RIPPLY1: variants seen among roughly 807,000 people sequenced by gnomAD.
RIPPLY1 encodes the protein protein ripply1.
In RIPPLY1, 10 loss-of-function variants were observed where a neutral mutation model predicts 8.7. The observed-to-expected ratio is 1.15, with a 90% CI of 0.71 to 1.94. The LOEUF (loss-of-function observed/expected upper bound fraction) is 1.94. Ranked by LOEUF, RIPPLY1 falls within the 30% of genes most tolerant of loss-of-function variation. RIPPLY1 has a pLI of 0.00. For synonymous variants in RIPPLY1, 54 were observed against 44.8 expected (o/e 1.20, Z -0.82); for missense variants, 118 against 108.7 (o/e 1.09, Z -0.38).
chrX:106,900,898 G>A lies in RIPPLY1; in HGVS notation c.307C>T (p.Pro103Ser). The change falls in exon 4 of 4, where the codon CCT becomes TCT. Residue 103 changes from proline to serine, a missense_variant. Coordinates refer to ENST00000276173, the MANE Select transcript of RIPPLY1 (RefSeq NM_138382.3). ...AGATAGTCGAAGGAGCGGGATTTAGGCCAGAAGAGCCTGTGGACAGAGAAG... is the reference window on the plus strand; with the variant it reads ...AGATAGTCGAAGGAGCGGGATTTAGACCAGAAGAGCCTGTGGACAGAGAAG... ...KFHHPVRLFW[P>S]KSRSFDYLYS... The A allele has an allele frequency of 8.3e-7, 1 of 1,209,874 alleles. No homozygotes were observed. Among genetic ancestry groups the A allele is most frequent in the Non-Finnish European group, 1.1e-6 (1 of 894,534 alleles).
At chrX:106,900,942 G>A in intron 3 of RIPPLY1, 34 bp from the exon 4 acceptor site, 2 of 1,193,728 alleles carry the variant, frequency 1.7e-6, no homozygotes, top group Admixed American at 4.5e-5. Flanking sequence ...CCCCTAACAG[G>A]TGTCATATGT....
intron 1 of RIPPLY1, 71 bp from the exon 2 acceptor site, chrX:106,902,286 A>T (rs1384982696): frequency 1.7e-5 from 16 of 925,435 alleles, no homozygotes; most frequent in Admixed American, 1.6e-4. Context: ...ATAACAAGAG[A>T]CCTCCCAAAA....
At position 106,903,318 on chromosome X, in the gene RIPPLY1, T is replaced by C. The variant is rs1602452832; in HGVS notation, c.-31A>G. 6.8e-6 allele frequency: 8 copies of C among 1,171,885 alleles called. No homozygotes were observed. Among genetic ancestry groups the C allele is most frequent in the Non-Finnish European group, 9.2e-6 (8 of 873,799 alleles). ...GGGGACCAAAGCCAGTGGGGTCTCC[T>C]ACTTCCCAGAACCTTCTGCACTCTT... On this transcript the variant is annotated 5_prime_UTR_variant, in exon 1 of 4. Transcript: ENST00000276173.
rs764505236 is a variant in RIPPLY1 at position 106,901,286 on chromosome X, T to G, written c.296+188A>C. ...CATGGGGGATCATTCTTGGGCATCG[T>G]TAACAATGCCTCTAGAAAAGACAGC... On this transcript the variant is annotated intron_variant, in intron 3 of 3. Coordinates refer to ENST00000276173, the MANE Select transcript of RIPPLY1 (RefSeq NM_138382.3). Among the ~76,000 whole-genome samples the G allele has an allele frequency of 2.7e-5, 3 of 112,087 alleles. No homozygotes were observed. In the South Asian group the frequency reaches 1.1e-3, roughly 43 times the overall value.
chrX:106,901,477 A>G lies in RIPPLY1; in HGVS notation c.293T>C (p.Val98Ala), dbSNP rs1446733817. The G allele has an allele frequency of 8.3e-7, 1 of 1,210,950 alleles. No homozygotes were observed. Among genetic ancestry groups the G allele is most frequent in the Admixed American group, 2.2e-5 (1 of 46,093 alleles). Residue 98 changes from valine (V) to alanine (A), a missense_variant, in exon 3 of 4, where the codon GTC (valine) becomes GCC (alanine). Physicochemically the swap from Val to Ala is moderately conservative, Grantham distance 64. Coordinates refer to ENST00000276173, the MANE Select transcript of RIPPLY1 (RefSeq NM_138382.3). ...GAGCTTCATGCCAGAAGCTTACCTG[A>G]CAGGGTGATGGAACTTGGATTCAGC... The part of the protein sequence containing the change: ...TKAESKFHHP[V>A]RLFWPKSRSF...
Position 106,902,180 on chromosome X carries a change from G to T in RIPPLY1, c.191C>A (p.Thr64Lys), listed in dbSNP as rs1284517789. The part of the protein sequence containing the change: ...TCLWRPWLSS[T>K]NDSPRQMRKL... ...CCTCATCTGCCTTGGGGAGTCATTT[G>T]TGGAAGACAGCCAGGGCCTCCAGAG... The change falls in exon 2 of 4, where the codon ACA becomes AAA. Residue 64 changes from threonine (T) to lysine (K), a missense_variant. Coordinates refer to ENST00000276173, the MANE Select transcript of RIPPLY1 (RefSeq NM_138382.3). 8.4e-7 allele frequency: 1 copy of T among 1,192,118 alleles called. No homozygotes were observed. Among genetic ancestry groups the T allele is most frequent in the South Asian group, 1.9e-5 (1 of 53,934 alleles).
Position 106,903,257 on chromosome X carries a change from T to C in RIPPLY1, c.31A>G (p.Thr11Ala). The change falls in exon 1 of 4, where the codon ACC becomes GCC. Residue 11 changes from threonine (T) to alanine (A), a missense_variant. Thr to Ala is a moderately conservative substitution (Grantham distance 58). Coordinates refer to ENST00000276173, the MANE Select transcript of RIPPLY1 (RefSeq NM_138382.3). MDSAACAAAA[T>A]PVPALALALA... ...GCCAAAGCCAGGGCTGGAACAGGGGTGGCAGCAGCAGCACAGGCAGCAGAG... is the reference window on the plus strand; with the variant it reads ...GCCAAAGCCAGGGCTGGAACAGGGGCGGCAGCAGCAGCACAGGCAGCAGAG... 1 of 1,207,526 alleles carries C rather than the reference T, an allele frequency of 8.3e-7. No individual in the cohort carries two copies. The highest frequency in any genetic ancestry group is 1.1e-6 in the Non-Finnish European group (1 of 893,196).
intron 2 of RIPPLY1, 141 bp from the exon 3 acceptor site, chrX:106,901,679 C>G (rs1258785682): frequency 1.9e-6 from 1 of 524,748 alleles, no homozygotes; most frequent in African/African-American, 2.3e-5. Context: ...CCCCCAATAC[C>G]CACCCCTCAA....
At chrX:106,901,327 T>C in intron 3 of RIPPLY1, 147 bp downstream of exon 3, 1 of 576,164 alleles carries the variant, frequency 1.7e-6, no homozygotes. Flanking sequence ...CAAAGTCCCT[T>C]AACCTCTCTG....
chrX:106,902,066 C>T, intron 2 of RIPPLY1, 74 bp downstream of exon 2: 2 of 906,859 alleles, frequency 2.2e-6, no homozygotes, highest in South Asian at 4.4e-5. Flanking sequence ...GTCAGGGGCT[C>T]TCTGGGAAGT....
intron 2 of RIPPLY1, 149 bp from the exon 3 acceptor site, chrX:106,901,687 C>T (rs1460817974): frequency 2.0e-6 from 1 of 494,347 alleles, no homozygotes; most frequent in African/African-American, 2.4e-5. Context: ...ACCCACCCCT[C>T]AACAAGGGGT....
intron 3 of RIPPLY1, 130 bp from the exon 4 acceptor site, chrX:106,901,038 A>G: frequency 9.6e-7 from 1 of 1,042,829 alleles, no homozygotes; most frequent in South Asian, 2.7e-5. Context: ...GGAAAGGAAG[A>G]AAGAAAGTTT....
In RIPPLY1 at chrX:106,902,131, C is replaced by A. The variant is rs748914074; in HGVS notation, c.231+9G>T. 24 of 1,188,052 alleles carry A rather than the reference C, an allele frequency of 2.0e-5. No individual in the cohort carries two copies. The East Asian group carries it at 6.1e-4, about 30-fold the overall frequency. On this transcript the variant is annotated intron_variant, in intron 2 of 3. Coordinates refer to ENST00000276173, the MANE Select transcript of RIPPLY1 (RefSeq NM_138382.3). ...CATGTGAACACACGTCACAAGGGCTCGAACTCACCAAATCCACCAGCTTCC... is the reference window on the plus strand; with the variant it reads ...CATGTGAACACACGTCACAAGGGCTAGAACTCACCAAATCCACCAGCTTCC...
In RIPPLY1 at chrX:106,902,207, C is replaced by A; in HGVS notation, c.164G>T (p.Cys55Phe). 2 of 1,178,815 alleles carry A rather than the reference C, an allele frequency of 1.7e-6. No individual in the cohort carries two copies. Among genetic ancestry groups the A allele is most frequent in the Non-Finnish European group, 2.3e-6 (2 of 876,901 alleles). Residue 55 changes from cysteine to phenylalanine, a missense_variant, in exon 2 of 4, where the codon TGT becomes TTT. Cys to Phe is a radical substitution (Grantham distance 205). Coordinates refer to ENST00000276173, the MANE Select transcript of RIPPLY1 (RefSeq NM_138382.3). The stretch of plus-strand genomic sequence containing the variant: ...GGAAGACAGCCAGGGCCTCCAGAGA[C>A]AAGTTCCTCTGGGACAAAGAGGAGA... ...QEVNGSERGT[C>F]LWRPWLSSTN... is the part of the protein sequence containing the mutation.
chrX:106,901,307 A>T (rs55662019), intron 3 of RIPPLY1, among the ~76,000 whole-genome samples, 167 bp downstream of exon 3: 19,081 of 111,792 alleles, frequency 0.17, 1,398 homozygotes, highest in Middle Eastern at 0.37. Flanking sequence ...TCTAGAAAAG[A>T]CAGCCTTGGC....
chrX:106,900,720 C>T lies in RIPPLY1; in HGVS notation c.*29G>A, dbSNP rs761077581. On this transcript the variant is annotated 3_prime_UTR_variant, in exon 4 of 4. Transcript: ENST00000276173. ...GGGTATGGACCCTGGTACCCTCACA[C>T]ACCCTTCTGGCCCCTTTTCATTGGC... is the stretch of plus-strand genomic sequence containing the variant. 1.0e-4 allele frequency: 122 copies of T among 1,186,656 alleles called. No individual in the cohort carries two copies. The highest frequency in any genetic ancestry group is 1.3e-4 in the Non-Finnish European group (119 of 883,349).
intron 3 of RIPPLY1, 98 bp downstream of exon 3, chrX:106,901,376 T>C: frequency 7.2e-6 from 6 of 832,078 alleles, no homozygotes; most frequent in Non-Finnish European, 1.1e-5. Flanking sequence ...CGATCATAGA[T>C]AGCAATTCCT....
In RIPPLY1 at chrX:106,900,901, A is replaced by G. The variant is rs1490376814; in HGVS notation, c.304T>C (p.Trp102Arg). Reference protein sequence around the residue: ...SKFHHPVRLFWPKSRSFDYLY... With the variant: ...SKFHHPVRLFRPKSRSFDYLY... Reference sequence around the variant, plus strand: ...TAGTCGAAGGAGCGGGATTTAGGCCAGAAGAGCCTGTGGACAGAGAAGAAA... The same window carrying G: ...TAGTCGAAGGAGCGGGATTTAGGCCGGAAGAGCCTGTGGACAGAGAAGAAA... The change falls in exon 4 of 4, where the codon TGG (tryptophan) becomes CGG (arginine). Residue 102 changes from tryptophan to arginine, a missense_variant. Trp to Arg is a moderately radical substitution (Grantham distance 101). Coordinates refer to ENST00000276173, the MANE Select transcript of RIPPLY1 (RefSeq NM_138382.3). 8.3e-7 allele frequency: 1 copy of G among 1,210,417 alleles called. No individual in the cohort carries two copies. The highest frequency in any genetic ancestry group is 1.1e-6 in the Non-Finnish European group (1 of 894,761).
At chrX:106,902,549 G>A (rs1933118794) in intron 1 of RIPPLY1, among the ~76,000 whole-genome samples, 1 of 111,734 alleles carries the variant, frequency 8.9e-6, no homozygotes, top group African/African-American at 3.3e-5. Context: ...AAGACTAAAT[G>A]TTTGGAGTAA....
Sources: gnomAD v4.1 joint callset for allele counts (sites outside exome capture counted in the v4.1 genomes callset) on GRCh38, gnomAD v4.1.1 for gene constraint, MANE v1.5 for transcripts, NCBI Gene and HGNC (gene_info 2026-07-23, HGNC 2026-07-21) for gene names.